The following NLGN4X variants were observed in gnomAD, a reference collection of about 807,000 sequenced individuals.
NLGN4X encodes the protein neuroligin 4 X-linked.
In NLGN4X, 3 loss-of-function variants were observed where a neutral mutation model predicts 40.3. The ratio of observed to expected loss-of-function variants is 0.07; its 90% CI spans 0.03 to 0.19. The LOEUF (loss-of-function observed/expected upper bound fraction) is 0.19. NLGN4X is among the 10% of genes least tolerant of loss of function. NLGN4X has a pLI of 1.00. For synonymous variants in NLGN4X, 270 were observed against 306.8 expected (o/e 0.88, Z 1.25); for missense variants, 382 against 708.3 (o/e 0.54, Z 5.23).
intron 3 of NLGN4X, among the ~76,000 whole-genome samples, chrX:5,985,081 A>C (rs1331651862): frequency 8.9e-6 from 1 of 112,212 alleles, no homozygotes; most frequent in Admixed American, 9.5e-5. Flanking sequence ...ATGGAGCTAA[A>C]ATACACTGAC....
At chrX:6,166,978 G>A (rs1045311369) in intron 1 of NLGN4X, among the ~76,000 whole-genome samples, 5 of 107,587 alleles carry the variant, frequency 4.6e-5, no homozygotes, top group Non-Finnish European at 7.7e-5. Context: ...AGGCTGAGGT[G>A]GGAGGATGGC....
intron 3 of NLGN4X, among the ~76,000 whole-genome samples, chrX:5,918,708 C>A (rs148578196): frequency 2.8e-3 from 318 of 111,817 alleles, no homozygotes; most frequent in Non-Finnish European, 4.0e-3. Flanking sequence ...TGCCACTTTT[C>A]TTTTTGAAGA....
chrX:6,192,428 T>C (rs1922625676), intron 1 of NLGN4X, among the ~76,000 whole-genome samples: 1 of 111,987 alleles, frequency 8.9e-6, no homozygotes, highest in Admixed American at 9.5e-5. Flanking sequence ...GCACCTGGCC[T>C]CAATTACTTC....
intron 1 of NLGN4X, among the ~76,000 whole-genome samples, chrX:6,158,027 A>T (rs1233615036): frequency 2.7e-5 from 3 of 112,287 alleles, no homozygotes; most frequent in Non-Finnish European, 5.6e-5. Flanking sequence ...GGACTGGCAA[A>T]TAATAAAAGT....
chrX:6,084,160 T>A (rs968396222), intron 2 of NLGN4X, among the ~76,000 whole-genome samples: 2 of 112,311 alleles, frequency 1.8e-5, no homozygotes, highest in African/African-American at 6.5e-5. Flanking sequence ...ATCAAATTGA[T>A]ATAGGATCAT....
chrX:6,109,230 C>A (rs1296810532), intron 2 of NLGN4X, among the ~76,000 whole-genome samples: 5 of 111,803 alleles, frequency 4.5e-5, no homozygotes, highest in Admixed American at 2.9e-4. Flanking sequence ...TGCACCACTG[C>A]ACTCCAGCCT....
chrX:6,133,144 G>A (rs1445453170), intron 2 of NLGN4X, among the ~76,000 whole-genome samples: 2 of 91,072 alleles, frequency 2.2e-5, no homozygotes, highest in South Asian at 5.7e-4. Context: ...TCGTCATCAC[G>A]ATAACCACCA....
intron 1 of NLGN4X, among the ~76,000 whole-genome samples, chrX:6,165,197 ATCTC>A (rs1470710345): frequency 8.9e-6 from 1 of 111,954 alleles, no homozygotes; most frequent in African/African-American, 3.2e-5. Context: ...CAGACCTTCC[ATCTC>A]TAGGAAATAA....
intron 1 of NLGN4X, among the ~76,000 whole-genome samples, chrX:6,167,119 CAGG>C (rs2040516759): frequency 9.3e-6 from 1 of 107,852 alleles, no homozygotes; most frequent in Non-Finnish European, 1.9e-5. Flanking sequence ...ATATCTCCAC[CAGG>C]AGGTCTTGCC....
At chrX:6,082,952 T>TTTTTTG (rs1569227377) in intron 2 of NLGN4X, among the ~76,000 whole-genome samples, 2 of 63,639 alleles carry the variant, frequency 3.1e-5, no homozygotes. Flanking sequence ...TGATGCGTTT[T>TTTTTTG]TTTCTTTTTT....
chrX:6,117,626 G>T (rs1465131863), intron 2 of NLGN4X, among the ~76,000 whole-genome samples: 1 of 111,735 alleles, frequency 8.9e-6, no homozygotes, highest in African/African-American at 3.3e-5. Flanking sequence ...CTCTCTACAA[G>T]CTACTCAAGT....
chrX:6,172,192 A>C (rs759945708), intron 1 of NLGN4X, among the ~76,000 whole-genome samples: 48 of 111,919 alleles, frequency 4.3e-4, no homozygotes, highest in Non-Finnish European at 8.5e-4. Context: ...AGCTCTTAGG[A>C]TCTTCCCTAT....
intron 3 of NLGN4X, among the ~76,000 whole-genome samples, chrX:5,990,212 G>A (rs955724133): frequency 1.8e-5 from 2 of 110,183 alleles, no homozygotes; most frequent in Admixed American, 2.0e-4. Context: ...AAAAGCAACT[G>A]AAAAACATTA....
chrX:6,106,595 G>A (rs190770479), intron 2 of NLGN4X, among the ~76,000 whole-genome samples: 1 of 111,510 alleles, frequency 9.0e-6, no homozygotes, highest in South Asian at 3.7e-4. Context: ...CCCCAGTTCT[G>A]CTTTTTCCAG....
chrX:6,003,460 C>T (rs1379239649), intron 3 of NLGN4X, among the ~76,000 whole-genome samples: 2 of 110,955 alleles, frequency 1.8e-5, no homozygotes, highest in Non-Finnish European at 3.8e-5. Flanking sequence ...TTAGATAAAA[C>T]AGAATACTTG....
At chrX:6,069,123 A>G (rs1473600916) in intron 2 of NLGN4X, among the ~76,000 whole-genome samples, 1 of 110,966 alleles carries the variant, frequency 9.0e-6, no homozygotes, top group African/African-American at 3.3e-5. Context: ...CCCCGTCTTT[A>G]CTAAAAATAC....
intron 3 of NLGN4X, among the ~76,000 whole-genome samples, chrX:5,965,814 C>T (rs1488773618): frequency 1.8e-5 from 2 of 112,009 alleles, no homozygotes; most frequent in African/African-American, 3.2e-5. Context: ...CTTCATGTAA[C>T]ACTGACCTCA....
At chrX:6,054,223 T>C (rs748534266) in intron 2 of NLGN4X, among the ~76,000 whole-genome samples, 1 of 101,040 alleles carries the variant, frequency 9.9e-6, no homozygotes, top group African/African-American at 4.7e-5. Context: ...TTTCATCATC[T>C]TTACCTAGAG....
intron 2 of NLGN4X, among the ~76,000 whole-genome samples, chrX:6,057,264 G>A (rs2037655796): frequency 8.9e-6 from 1 of 111,756 alleles, no homozygotes; most frequent in Admixed American, 9.6e-5. Context: ...TTTGAGAATA[G>A]GGTTCCTACA....
Sources: gnomAD v4.1 joint callset for allele counts (sites outside exome capture counted in the v4.1 genomes callset) on GRCh38, gnomAD v4.1.1 for gene constraint, MANE v1.5 for transcripts, NCBI Gene and HGNC (gene_info 2026-07-23, HGNC 2026-07-21) for gene names.